Variants in CA5A observed in about 807,000 individuals in gnomAD.
CA5A encodes carbonic anhydrase 5A.
Under a neutral mutation model 37.1 loss-of-function variants are expected in CA5A, and 28 were observed. The ratio of observed to expected loss-of-function variants is 0.75; its 90% CI spans 0.56 to 1.03. The LOEUF is 1.03. CA5A is among the 50% of genes least tolerant of loss of function. The probability of loss-of-function intolerance (pLI) is 0.00; values close to 1 mark genes in which losing one functional copy is unlikely to be tolerated. For missense variants in CA5A, 444 were observed against 399.9 expected (o/e 1.11, Z -0.94); for synonymous variants, 171 against 158.4 (o/e 1.08, Z -0.60).
At chr16:87,882,067 C>G (rs1363218975) in intron 4 of CA5A, 5 of 152,332 alleles carry the variant, frequency 3.3e-5, no homozygotes, top group African/African-American at 1.2e-4. Context: ...GGGCCTTTCT[C>G]TGTCCCCAAG....
At chr16:87,932,815 T>A (rs1821908485) in intron 1 of CA5A, among the ~76,000 whole-genome samples, 2 of 152,148 alleles carry the variant, frequency 1.3e-5, no homozygotes, top group African/African-American at 4.8e-5. Flanking sequence ...GTTCAGCAAA[T>A]CTCAAATTCC....
intron 2 of CA5A, chr16:87,925,475 T>C (rs1230312208): frequency 1.3e-5 from 2 of 152,332 alleles, no homozygotes; most frequent in Non-Finnish European, 2.9e-5. Flanking sequence ...CAAGGGTTTA[T>C]TGGGAGCTGT....
At chr16:87,902,882 A>T (rs1482536310) in intron 3 of CA5A, among the ~76,000 whole-genome samples, 4 of 151,414 alleles carry the variant, frequency 2.6e-5, no homozygotes, top group Admixed American at 2.0e-4. Flanking sequence ...ACTGCACTCC[A>T]GCCTGGGTGA....
intron 1 of CA5A, among the ~76,000 whole-genome samples, chr16:87,932,358 G>T (rs1218638717): frequency 6.6e-6 from 1 of 152,196 alleles, no homozygotes; most frequent in African/African-American, 2.4e-5. Context: ...GACACAGGTT[G>T]TGGGAAGAGC....
In CA5A at chr16:87,897,089, A is replaced by C. The variant is rs116397676; in HGVS notation, c.618+4823T>G. On this transcript the variant is annotated intron_variant, in intron 5 of 6. Coordinates refer to ENST00000649794, the MANE Select transcript of CA5A (RefSeq NM_001739.2). ...GTGGTGGCGGTAATGGGCTTCCATC[A>C]GTGCCTGCCACGTGGGCGTGGGGCT... Among the ~76,000 whole-genome samples the C allele has an allele frequency of 2.1e-3, 319 of 152,354 alleles. 2 individuals carry two copies. The highest frequency in any genetic ancestry group is 7.4e-3 in the African/African-American group (307 of 41,592).
At chr16:87,883,206 G>A (rs1409633677), downstream of CA5A, 4 of 152,166 alleles carry the variant, frequency 2.6e-5, no homozygotes, top group Admixed American at 2.6e-4. Flanking sequence ...TGTATTTTTA[G>A]AAGAGACAGG....
chr16:87,893,513 C>T (rs2055755467), intron 5 of CA5A: 1 of 560,518 alleles, frequency 1.8e-6, no homozygotes. Flanking sequence ...GAAACTGTGC[C>T]TGCCACCCTA....
chr16:87,896,880 T>C (rs2055809934), intron 5 of CA5A, among the ~76,000 whole-genome samples: 1 of 152,212 alleles, frequency 6.6e-6, no homozygotes, highest in Non-Finnish European at 1.5e-5. Context: ...CCTCAGGTGA[T>C]CCGCCCGCCT....
chr16:87,909,574 C>T (rs953792170), intron 2 of CA5A, among the ~76,000 whole-genome samples: 1 of 152,182 alleles, frequency 6.6e-6, no homozygotes, highest in South Asian at 2.1e-4. Context: ...ACGTAGCCCG[C>T]GCGGGGCGCA....
At chr16:87,926,301 C>T (rs922394377) in intron 2 of CA5A, among the ~76,000 whole-genome samples, 1 of 152,194 alleles carries the variant, frequency 6.6e-6, no homozygotes, top group Admixed American at 6.5e-5. Flanking sequence ...TTCCAGGCTC[C>T]CAATGCCCCT....
chr16:87,916,124 C>T lies in CA5A; in HGVS notation c.340+10624G>A, dbSNP rs369404671. 6.6e-3 allele frequency among the ~76,000 whole-genome samples: 986 copies of T among 149,586 alleles called. 9 individuals are homozygous for T. The highest frequency in any genetic ancestry group is 0.022 in the African/African-American group (898 of 39,944). On this transcript the variant is annotated intron_variant, in intron 2 of 6. Transcript: ENST00000649794. ...TGGAGCTTGCAGTGAGCAGAGATCGCGCCACTGCACTCCAGCCTGGGTGAC... is the reference window on the plus strand; with the variant it reads ...TGGAGCTTGCAGTGAGCAGAGATCGTGCCACTGCACTCCAGCCTGGGTGAC...
chr16:87,936,214 T>C, intron 1 of CA5A, 95 bp downstream of exon 1: 1 of 770,990 alleles, frequency 1.3e-6, no homozygotes, highest in Non-Finnish European at 2.2e-6. Flanking sequence ...TGAACCCATC[T>C]GGCTCGGGAC....
In CA5A at chr16:87,901,987, C is replaced by G. The variant is rs372389355; in HGVS notation, c.556-13G>C. On this transcript the variant is annotated splice_polypyrimidine_tract_variant and intron_variant, in intron 4 of 6. Coordinates refer to ENST00000649794, the MANE Select transcript of CA5A (RefSeq NM_001739.2). The stretch of plus-strand genomic sequence containing the variant: ...GATGGGCCCCGAGCTGCATGGCAGA[C>G]AAAGGAGGGGTTAGCTGCAAAGGCA... The G allele has an allele frequency of 6.2e-7, 1 of 1,612,900 alleles. No individual in the cohort carries two copies. The highest frequency in any genetic ancestry group is 8.5e-7 in the Non-Finnish European group (1 of 1,179,118).
chr16:87,927,511 C>T (rs9933828), intron 1 of CA5A, among the ~76,000 whole-genome samples: 2,147 of 152,210 alleles, frequency 0.014, 51 homozygotes, highest in African/African-American at 0.048. Context: ...CCTACTTCCT[C>T]GAGGCTCATT....
rs189570565 is a variant in CA5A at position 87,897,875 on chromosome 16, G to A, written c.618+4037C>T. 5.9e-5 allele frequency among the ~76,000 whole-genome samples: 9 copies of A among 152,352 alleles called. No homozygotes were observed. In the East Asian group the frequency reaches 1.5e-3, roughly 26 times the overall value. On this transcript the variant is annotated intron_variant, in intron 5 of 6. Transcript: ENST00000649794. ...AGTGTGATAATTTATGTGGAGGGCT[G>A]TCGCTTCTTTGAACCCCTTCCGCCG...
chr16:87,897,223 A>G (rs1461941770), intron 5 of CA5A, among the ~76,000 whole-genome samples: 1 of 152,264 alleles, frequency 6.6e-6, no homozygotes, highest in Non-Finnish European at 1.5e-5. Flanking sequence ...TCCACAAGGC[A>G]GCCAATTCCC....
At chr16:87,919,361 G>C (rs13338759) in intron 2 of CA5A, among the ~76,000 whole-genome samples, 1 of 152,214 alleles carries the variant, frequency 6.6e-6, no homozygotes, top group East Asian at 1.9e-4. Flanking sequence ...CTCCAGGCGG[G>C]GTCACCCTCG....
chr16:87,930,466 G>C (rs974401905), intron 1 of CA5A, among the ~76,000 whole-genome samples: 1 of 152,044 alleles, frequency 6.6e-6, no homozygotes, highest in Admixed American at 6.6e-5. Flanking sequence ...TCCCCCCTCC[G>C]GACCCTTCCC....
chr16:87,881,813 A>C (rs927176198), exon 5 of CA5A: 3 of 152,146 alleles, frequency 2.0e-5, no homozygotes, highest in African/African-American at 4.8e-5. Context: ...GTTTCATCTC[A>C]GTGTGTCCAG....
Sources: allele counts gnomAD v4.1 joint callset (sites outside exome capture counted in the v4.1 genomes callset), GRCh38; gene constraint gnomAD v4.1.1; transcripts MANE v1.5; gene names NCBI Gene and HGNC (gene_info 2026-07-23, HGNC 2026-07-21).